The following MKRN1 variants were observed in gnomAD, a reference collection of about 807,000 sequenced individuals.
MKRN1 encodes the protein E3 ubiquitin-protein ligase makorin-1.
A neutral mutation model predicts 55.5 loss-of-function variants in MKRN1; 9 were observed. The ratio of observed to expected loss-of-function variants is 0.16; its 90% CI spans 0.10 to 0.28. The LOEUF is 0.28. MKRN1 is among the 10% of genes least tolerant of loss of function. The pLI is 1.00. For missense variants in MKRN1, 488 were observed against 626.7 expected, an observed-to-expected ratio of 0.78 and a Z score of 2.36; for synonymous variants, 253 against 235.9, an observed-to-expected ratio of 1.07 and a Z score of -0.66.
Position 140,476,808 on chromosome 7 carries a change from G to A in MKRN1, c.185+2352C>T, listed in dbSNP as rs539492373. ...ACGATAAGGATCATAGACCGGGTGCGGTGGCTCACGCCTCTAATCCCAGCA... is the reference window on the plus strand; with the variant it reads ...ACGATAAGGATCATAGACCGGGTGCAGTGGCTCACGCCTCTAATCCCAGCA... On this transcript the variant is annotated intron_variant, in intron 1 of 7. Coordinates refer to ENST00000255977, the MANE Select transcript of MKRN1 (RefSeq NM_013446.4). Among the ~76,000 whole-genome samples the A allele has an allele frequency of 3.3e-5, 5 of 152,052 alleles. No individual in the cohort carries two copies. The South Asian group carries it at 8.3e-4, about 25-fold the overall frequency.
In MKRN1 at chr7:140,479,476, C is replaced by G. The variant is rs566676137; in HGVS notation, c.-132G>C. The G allele has an allele frequency of 6.2e-6, 6 of 964,006 alleles. No individual in the cohort carries two copies. The highest frequency in any genetic ancestry group is 1.7e-5 in the African/African-American group (1 of 58,902). 59.7% of individuals were successfully genotyped at this position (964,006 alleles called of 1,614,324 possible). ...ACTGAGGCACCCGTTCGGTCCCCGC[C>G]TGCTACGCGTCGCGTATCTGAGCGC... is the stretch of plus-strand genomic sequence containing the variant. On this transcript the variant is annotated 5_prime_UTR_variant, in exon 1 of 8. Transcript: ENST00000255977.
intron 2 of MKRN1, among the ~76,000 whole-genome samples, chr7:140,467,202 G>A (rs972521013): frequency 2.6e-5 from 4 of 151,954 alleles, no homozygotes; most frequent in Non-Finnish European, 4.4e-5. Flanking sequence ...TCAAATTCCC[G>A]ACCTCAGGTG....
chr7:140,462,886 A>G (rs1398946781), intron 2 of MKRN1, among the ~76,000 whole-genome samples: 1 of 152,196 alleles, frequency 6.6e-6, no homozygotes, highest in Admixed American at 6.5e-5. Flanking sequence ...GAATCACTTG[A>G]ACCCAGGAAG....
At chr7:140,476,871 G>C (rs1230335984) in intron 1 of MKRN1, among the ~76,000 whole-genome samples, 3 of 152,004 alleles carry the variant, frequency 2.0e-5, no homozygotes, top group East Asian at 3.9e-4. Context: ...CCTGAGGTCG[G>C]GAGTTCAAGA....
At chr7:140,478,159 G>A (rs1795179665) in intron 1 of MKRN1, 1 of 152,148 alleles carries the variant, frequency 6.6e-6, no homozygotes, top group Non-Finnish European at 1.5e-5. Flanking sequence ...TACCACCCAG[G>A]TGAAAACCGG....
rs140396499 is a variant in MKRN1, at chr7:140,454,681, T to C, written c.1285A>G (p.Ser429Gly). The change falls in exon 8 of 8, where the codon AGC becomes GGC. Residue 429 changes from serine (S) to glycine (G), a missense_variant. Physicochemically the swap from Ser to Gly is moderately conservative, Grantham distance 56. This residue lies in a region of MKRN1 where 278 missense variants were observed against 406.7 expected (regional missense o/e 0.68). Transcript: ENST00000255977. ...TCTTCATCGTTGTCAAAGGGGTTGC[T>C]GTTCTCTCTTTCCTCAATGAGTTCC... ...FWELIEEREN[S>G]NPFDNDEEEV... is the part of the protein sequence containing the mutation. 26 of 1,613,902 alleles carry C rather than the reference T, an allele frequency of 1.6e-5. No homozygotes were observed. Among genetic ancestry groups the C allele is most frequent in the Non-Finnish European group, 1.9e-5 (22 of 1,179,882 alleles).
chr7:140,479,019 G>A (rs905130054), intron 1 of MKRN1, 141 bp downstream of exon 1: 30 of 1,061,058 alleles, frequency 2.8e-5, no homozygotes, highest in Non-Finnish European at 3.3e-5. Flanking sequence ...GGGGCCGCGA[G>A]GGCTGCAGAG....
chr7:140,471,493 G>GCA (rs1415498712), intron 2 of MKRN1, among the ~76,000 whole-genome samples: 4 of 151,984 alleles, frequency 2.6e-5, no homozygotes, highest in African/African-American at 9.7e-5. Context: ...TTTTTAAGGT[G>GCA]GAGTCTCGCT....
At chr7:140,475,803 G>A (rs926875046) in intron 1 of MKRN1, among the ~76,000 whole-genome samples, 1 of 152,122 alleles carries the variant, frequency 6.6e-6, no homozygotes, top group African/African-American at 2.4e-5. Context: ...ATAAAGAGGG[G>A]TCTAAATTCA....
chr7:140,457,629 C>A (rs1794505290), intron 4 of MKRN1, among the ~76,000 whole-genome samples: 1 of 151,628 alleles, frequency 6.6e-6, no homozygotes, highest in Non-Finnish European at 1.5e-5. Context: ...ATTCGGGAGG[C>A]AGAGGCTGCA....
chr7:140,473,680 C>T (rs1409619327), intron 1 of MKRN1: 1 of 154,274 alleles, frequency 6.5e-6, no homozygotes, highest in Non-Finnish European at 1.4e-5. Flanking sequence ...TATCTGTGCA[C>T]ATAATATATA....
chr7:140,458,347 G>A (rs140214755), intron 4 of MKRN1, among the ~76,000 whole-genome samples: 23 of 152,182 alleles, frequency 1.5e-4, no homozygotes, highest in African/African-American at 4.8e-4. Context: ...ACGGCTACAC[G>A]CAACCACACA....
intron 1 of MKRN1, among the ~76,000 whole-genome samples, chr7:140,472,772 G>T (rs1258563795): frequency 6.6e-6 from 1 of 151,322 alleles, no homozygotes; most frequent in East Asian, 2.0e-4. Context: ...TCAAAAAAAT[G>T]TAATAATAAT....
intron 1 of MKRN1, chr7:140,473,225 AAAC>A (rs1352421313): frequency 4.6e-6 from 2 of 430,552 alleles, no homozygotes; most frequent in South Asian, 3.4e-5. Flanking sequence ...AAAAAAAAAA[AAAC>A]ATCATCCAGA....
At position 140,454,767 on chromosome 7, in the gene MKRN1, G is replaced by A. The variant is rs760505774; in HGVS notation, c.1237-38C>T. The A allele has an allele frequency of 1.2e-5, 19 of 1,581,708 alleles. No homozygotes were observed. In the Admixed American group the frequency reaches 1.5e-4, roughly 13 times the overall value. On this transcript the variant is annotated intron_variant, in intron 7 of 7. Transcript: ENST00000255977. The stretch of plus-strand genomic sequence containing the variant: ...AGGCCATGATAGGGATGGCACTGTC[G>A]AGCAGTATCTTCTATCCTGTTGTTT...
intron 2 of MKRN1, among the ~76,000 whole-genome samples, chr7:140,461,428 A>G (rs1021344579): frequency 3.9e-5 from 6 of 152,138 alleles, no homozygotes; most frequent in Non-Finnish European, 7.3e-5. Context: ...AGATCACTTA[A>G]GGCCAGGAGT....
intron 1 of MKRN1, among the ~76,000 whole-genome samples, chr7:140,474,065 G>GAAAGAAAGAAAA (rs1048242237): frequency 7.2e-6 from 1 of 139,360 alleles, no homozygotes; most frequent in Non-Finnish European, 1.6e-5. Flanking sequence ...AAGAAAGAAA[G>GAAAGAAAGAAAA]AATAAAAGAC....
In MKRN1 at chr7:140,454,772, G is replaced by A. The variant is rs766375528; in HGVS notation, c.1237-43C>T. The stretch of plus-strand genomic sequence containing the variant: ...ATGATAGGGATGGCACTGTCGAGCA[G>A]TATCTTCTATCCTGTTGTTTATAAG... On this transcript the variant is annotated intron_variant, in intron 7 of 7. Coordinates refer to ENST00000255977, the MANE Select transcript of MKRN1 (RefSeq NM_013446.4). 3.8e-6 allele frequency: 6 copies of A among 1,578,812 alleles called. No homozygotes were observed. The African/African-American group carries it at 4.0e-5, about 11-fold the overall frequency.
chr7:140,469,159 T>C (rs1794849761), intron 2 of MKRN1, among the ~76,000 whole-genome samples: 1 of 152,094 alleles, frequency 6.6e-6, no homozygotes, highest in East Asian at 1.9e-4. Flanking sequence ...ACCCCGTCTA[T>C]ACTAAAAATA....
Sources: gnomAD v4.1 joint callset for allele counts (sites outside exome capture counted in the v4.1 genomes callset) on GRCh38, gnomAD v4.1.1 for gene constraint, gnomAD v4.1.1 regional missense constraint, MANE v1.5 for transcripts, NCBI Gene and HGNC (gene_info 2026-07-23, HGNC 2026-07-21) for gene names.